HSPB7: variants seen among roughly 807,000 people sequenced by gnomAD.
HSPB7 encodes the protein heat shock protein beta-7.
Under a neutral mutation model 11.0 loss-of-function variants are expected in HSPB7, and 9 were observed. The ratio of observed to expected loss-of-function variants is 0.82; its 90% CI spans 0.49 to 1.43. The LOEUF is 1.43. HSPB7 is among the 40% of genes most tolerant of loss of function. The probability of loss-of-function intolerance (pLI) is 0.00; values close to 1 mark genes in which losing one functional copy is unlikely to be tolerated. For synonymous variants in HSPB7, 102 were observed against 101.6 expected (o/e 1.00, Z -0.02); for missense variants, 246 against 243.9 (o/e 1.01, Z -0.06).
chr1:16,016,981 G>T, intron 2 of HSPB7, 93 bp downstream of exon 2: 1 of 1,319,800 alleles, frequency 7.6e-7, no homozygotes. Flanking sequence ...ACACTGGCCA[G>T]GGTCTGGGGT....
At chr1:16,016,883 C>T (rs916854359) in intron 2 of HSPB7, among the ~76,000 whole-genome samples, 191 bp downstream of exon 2, 3 of 152,142 alleles carry the variant, frequency 2.0e-5, no homozygotes, top group African/African-American at 7.2e-5. Context: ...AACCTCGGTG[C>T]AAAGAGAGGC....
At chr1:16,018,586 C>A (rs1166252654), upstream of HSPB7, 2 of 1,045,426 alleles carry the variant, frequency 1.9e-6, no homozygotes, top group Middle Eastern at 4.5e-4. Flanking sequence ...GTGCAGCTGT[C>A]CCCTGCCAGC....
chr1:16,015,480 G>C lies in HSPB7; in HGVS notation c.*100C>G, dbSNP rs1187815680. 6.6e-6 allele frequency: 8 copies of C among 1,210,478 alleles called. No individual in the cohort carries two copies. Among genetic ancestry groups the C allele is most frequent in the Middle Eastern group, 1.9e-4 (1 of 5,202 alleles). The allele number at this position is 1,210,478 out of a possible 1,614,324, so 75.0% of individuals were successfully genotyped here. On this transcript the variant is annotated 3_prime_UTR_variant, in exon 3 of 3. Transcript: ENST00000311890. The surrounding 1 kb of genome is among the most constrained non-coding windows in gnomAD (Gnocchi z 4.9). ...TGGGGTCTGGGGTGCGTGGGGGCTA[G>C]AACCTGGGCTGAGATGTCCTGGAGC...
chr1:16,016,873 A>G (rs1258428562), intron 2 of HSPB7, among the ~76,000 whole-genome samples: 1 of 152,084 alleles, frequency 6.6e-6, no homozygotes, highest in African/African-American at 2.4e-5. Flanking sequence ...AGGATCTGGG[A>G]ACCTCGGTGC....
upstream of HSPB7, chr1:16,019,565 G>A: frequency 7.9e-7 from 1 of 1,259,312 alleles, no homozygotes; most frequent in Non-Finnish European, 1.1e-6. Flanking sequence ...CTTCTACAGG[G>A]GTATTAGCGG....
At chr1:16,019,224 C>T (rs1382037685), upstream of HSPB7, 5 of 1,550,356 alleles carry the variant, frequency 3.2e-6, no homozygotes, top group Non-Finnish European at 3.5e-6. Context: ...GCTGTCCTCT[C>T]CAAATCCGTC....
intron 1 of HSPB7, 46 bp downstream of exon 1, chr1:16,017,719 C>G (rs1472055726): frequency 6.7e-7 from 1 of 1,484,742 alleles, no homozygotes; most frequent in South Asian, 1.3e-5. Context: ...GAGCAGACGT[C>G]CCCTCCCTGT....
rs761759 is a variant in HSPB7, at chr1:16,015,855, A to T, written c.334-96T>A. Reference sequence around the variant, plus strand: ...TTCTCCCCATTCTAACCCCAGCCAGACCCCACATGCCGAGGGGCTCTGCCC... The same window carrying T: ...TTCTCCCCATTCTAACCCCAGCCAGTCCCCACATGCCGAGGGGCTCTGCCC... On this transcript the variant is annotated intron_variant, in intron 2 of 2. Coordinates refer to ENST00000311890, the MANE Select transcript of HSPB7 (RefSeq NM_014424.5). The surrounding 1 kb of genome is among the most constrained non-coding windows in gnomAD (Gnocchi z 4.9). 0.58 allele frequency: 695,076 copies of T among 1,188,338 alleles called. 205,804 individuals carry two copies. Among genetic ancestry groups the T allele is most frequent in the East Asian group, 0.73 (29,520 of 40,330 alleles). 73.6% of individuals were successfully genotyped at this position (1,188,338 alleles called of 1,614,324 possible).
rs757875336 is a variant in HSPB7, at chr1:16,015,799, C to T, written c.334-40G>A. On this transcript the variant is annotated intron_variant, in intron 2 of 2. Coordinates refer to ENST00000311890, the MANE Select transcript of HSPB7 (RefSeq NM_014424.5). The surrounding 1 kb of genome is among the most constrained non-coding windows in gnomAD (Gnocchi z 4.9). The stretch of plus-strand genomic sequence containing the variant: ...ACCCGTCAGGCAGGCTGCCCCGACC[C>T]CTGTCCTGCTTGTGACAAGCCAGAG... The T allele has an allele frequency of 1.3e-6, 2 of 1,528,306 alleles. No individual in the cohort carries two copies. The highest frequency in any genetic ancestry group is 1.8e-6 in the Non-Finnish European group (2 of 1,133,932). 94.7% of individuals were successfully genotyped at this position (1,528,306 alleles called of 1,614,324 possible). A position where few individuals can be genotyped will look rare whatever the true frequency, so the allele number is the denominator to read the frequency against.
At position 16,015,661 on chromosome 1, in the gene HSPB7, G is replaced by A. The variant is rs150618710; in HGVS notation, c.432C>T (p.Asp144=). ...PTSVTSALRE[D]GSLTIRARRH... ...GCCGTGCCCGGATAGTGAGGCTGCC[G>A]TCCTCCCGCAGAGCCGAGGTCACCG... The change falls in exon 3 of 3, where the codon GAC becomes GAT. Residue 144 remains aspartate, a synonymous_variant. Transcript: ENST00000311890. The surrounding 1 kb of genome is among the most constrained non-coding windows in gnomAD (Gnocchi z 4.9). 299 of 1,613,712 alleles carry A rather than the reference G, an allele frequency of 1.9e-4. 4 individuals carry two copies. In the East Asian group the frequency reaches 6.3e-3, roughly 34 times the overall value.
intron 2 of HSPB7, among the ~76,000 whole-genome samples, chr1:16,016,214 G>T (rs192879529): frequency 2.0e-5 from 3 of 152,244 alleles, no homozygotes; most frequent in African/African-American, 7.2e-5. Context: ...TCACTGTTGG[G>T]GGTGGCAGGG....
chr1:16,018,417 T>G (rs947215303), upstream of HSPB7: 1 of 1,172,254 alleles, frequency 8.5e-7, no homozygotes, highest in Non-Finnish European at 1.1e-6. Context: ...CTGGTTCTCC[T>G]CCACGGCTGT....
intron 2 of HSPB7, among the ~76,000 whole-genome samples, chr1:16,016,193 G>A (rs1195420213): frequency 6.6e-6 from 1 of 152,256 alleles, no homozygotes; most frequent in Admixed American, 6.5e-5. Flanking sequence ...GGGGAGTTTG[G>A]GGCGGCTGAG....
At position 16,017,949 on chromosome 1, in the gene HSPB7, G is replaced by A. The variant is rs762181502; in HGVS notation, c.15C>T (p.Thr5=). The A allele has an allele frequency of 1.2e-5, 20 of 1,613,408 alleles. No homozygotes were observed. The highest frequency in any genetic ancestry group is 1.6e-5 in the Non-Finnish European group (19 of 1,179,856). The change falls in exon 1 of 3, where the codon ACC becomes ACT. Residue 5 remains threonine (T), a synonymous_variant. Transcript: ENST00000311890. MSHR[T]SSTFRAERSF... ...TTCTCTCCGCTCGGAAGGTGGAAGA[G>A]GTTCTGTGGCTCATCCACGGACGGC...
chr1:16,018,585 T>C, upstream of HSPB7: 1 of 1,044,982 alleles, frequency 9.6e-7, no homozygotes, highest in Non-Finnish European at 1.2e-6. Context: ...TGTGCAGCTG[T>C]CCCCTGCCAG....
At chr1:16,018,240 A>C (rs1416547563), upstream of HSPB7, 1 of 1,443,034 alleles carries the variant, frequency 6.9e-7, no homozygotes, top group South Asian at 1.2e-5. Flanking sequence ...CAGGCTGATC[A>C]CAGCAGCCCC....
Position 16,015,542 on chromosome 1 carries a change from G to C in HSPB7, c.*38C>G. ...GGTTAGCGAGGCTTTGCTGGCAGGCGTGGGGCGGGGGGACAGGGAAAGGGA... is the reference window on the plus strand; with the variant it reads ...GGTTAGCGAGGCTTTGCTGGCAGGCCTGGGGCGGGGGGACAGGGAAAGGGA... On this transcript the variant is annotated 3_prime_UTR_variant, in exon 3 of 3. Transcript: ENST00000311890. This position sits in a 1 kb window ranked among gnomAD's most constrained non-coding sequence, Gnocchi z 4.9. 1 of 1,600,766 alleles carries C rather than the reference G, an allele frequency of 6.2e-7. No homozygotes were observed. Among genetic ancestry groups the C allele is most frequent in the Non-Finnish European group, 8.6e-7 (1 of 1,168,756 alleles).
At chr1:16,018,492 C>T (rs72890696), upstream of HSPB7, 1,512 of 1,111,242 alleles carry the variant, frequency 1.4e-3, 23 homozygotes, top group African/African-American at 0.023. Flanking sequence ...CGCTCTGTGA[C>T]GTCAGGAGCT....
rs905185808 is a variant in HSPB7, at chr1:16,014,941, C to A, written c.*639G>T. On this transcript the variant is annotated 3_prime_UTR_variant, in exon 3 of 3. Coordinates refer to ENST00000311890, the MANE Select transcript of HSPB7 (RefSeq NM_014424.5). ...TCACGAACCAGCTGTATTGGAAAAA[C>A]CCCATCTATATACAGATGTGGCATG... 2.6e-5 allele frequency: 4 copies of A among 152,618 alleles called. No individual in the cohort carries two copies. Among genetic ancestry groups the A allele is most frequent in the African/African-American group, 9.6e-5 (4 of 41,464 alleles). The allele number at this position is 152,618 out of a possible 1,614,324, so 9.5% of individuals were successfully genotyped here.
Sources: gnomAD v4.1 joint callset for allele counts (sites outside exome capture counted in the v4.1 genomes callset) on GRCh38, gnomAD v4.1.1 for gene constraint, Gnocchi (gnomAD v3.1) non-coding constraint, MANE v1.5 for transcripts, NCBI Gene and HGNC (gene_info 2026-07-23, HGNC 2026-07-21) for gene names.